STRC: variants seen among roughly 807,000 people sequenced by gnomAD.
STRC encodes the protein stereocilin.
A neutral mutation model predicts 103.5 loss-of-function variants in STRC; 43 were observed. That is an observed-to-expected ratio of 0.42 (90% CI 0.33 to 0.54). STRC has a LOEUF of 0.54. STRC is among the 20% of genes least tolerant of loss of function. STRC has a pLI of 0.14. For missense variants in STRC, 499 were observed against 1,088.5 expected (o/e 0.46, Z 7.62); for synonymous variants, 186 against 442.3 (o/e 0.42, Z 7.27).
At position 43,602,795 on chromosome 15, in the gene STRC, C is replaced by T. The variant is rs761718150; in HGVS notation, c.4545+447G>A. On this transcript the variant is annotated intron_variant, in intron 23 of 28. Transcript: ENST00000450892. Reference sequence around the variant, plus strand: ...AAGTAGCTGGGACAACAAGTGTGCACCACCATGCCCGGCTAACTTTTTTGT... The same window carrying T: ...AAGTAGCTGGGACAACAAGTGTGCATCACCATGCCCGGCTAACTTTTTTGT... 9.0e-5 allele frequency: 21 copies of T among 232,188 alleles called. 1 individual carries two copies. Among genetic ancestry groups the T allele is most frequent in the Non-Finnish European group, 1.4e-4 (16 of 116,804 alleles). The allele number at this position is 232,188 out of a possible 1,614,324, so 14.4% of individuals were successfully genotyped here.
chr15:43,600,592 C>A lies in STRC; in HGVS notation c.4935G>T (p.Gly1645=). Residue 1645 remains glycine (G), a synonymous_variant, in exon 26 of 29, where the codon GGG becomes GGT. Transcript: ENST00000450892. The stretch of plus-strand genomic sequence containing the variant: ...GCCCCCAGTTACTGATTGGGCCAAA[C>A]CCACCAGGCAGTACAAGTAGGTGGG... ...VLAHLLVLPG[G]FGPISNWGPE... The A allele has an allele frequency of 6.2e-7, 1 of 1,613,666 alleles. No homozygotes were observed. Among genetic ancestry groups the A allele is most frequent in the Non-Finnish European group, 8.5e-7 (1 of 1,179,860 alleles).
rs539189755 is a variant in STRC, at chr15:43,602,892, G to A, written c.4545+350C>T. On this transcript the variant is annotated intron_variant, in intron 23 of 28. Transcript: ENST00000450892. ...GATCTCCTGACCTCGTGATCTGCCC[G>A]CCTTGGCCTCCCAAAGTTCTGAGAT... is the stretch of plus-strand genomic sequence containing the variant. Among the ~76,000 whole-genome samples, 8 of 151,452 alleles carry A rather than the reference G, an allele frequency of 5.3e-5. No individual in the cohort carries two copies. The East Asian group carries it at 1.4e-3, about 26-fold the overall frequency.
At position 43,601,406 on chromosome 15, in the gene STRC, C is replaced by G. The variant is rs780692209; in HGVS notation, c.4691G>C (p.Ser1564Thr). The G allele has an allele frequency of 6.2e-7, 1 of 1,613,344 alleles. No individual in the cohort carries two copies. ...GAGGAAAAGTGTTACCTGAGTGGTG[C>G]TCCAGCCATCTATCTGCCCCAGGGT... is the stretch of plus-strand genomic sequence containing the variant. ...LSTLGQIDGW[S>T]TTQLRIVVSS... The change falls in exon 24 of 29, where the codon AGC becomes ACC. Residue 1564 changes from serine to threonine, a missense_variant. By Grantham distance (58) the Ser-to-Thr change is moderately conservative. Coordinates refer to ENST00000450892, the MANE Select transcript of STRC (RefSeq NM_153700.2).
chr15:43,604,622 A>C lies in STRC; in HGVS notation c.4127+28T>G, dbSNP rs202169022. 3.0e-3 allele frequency: 4,783 copies of C among 1,613,440 alleles called. 99 individuals carry two copies. The highest frequency in any genetic ancestry group is 2.1e-3 in the Non-Finnish European group (2,491 of 1,179,626). On this transcript the variant is annotated intron_variant, in intron 20 of 28. Transcript: ENST00000450892. The stretch of plus-strand genomic sequence containing the variant: ...TGAGGGACTGGGTATAGAATGAGTT[A>C]GAATCTGAAGTTCTCGAAGGTCCAT...
chr15:43,603,248 T>G lies in STRC; in HGVS notation c.4539A>C (p.Ala1513=). Residue 1513 remains alanine, a synonymous_variant, in exon 23 of 29, where the codon GCA becomes GCC. Coordinates refer to ENST00000450892, the MANE Select transcript of STRC (RefSeq NM_153700.2). The stretch of plus-strand genomic sequence containing the variant: ...TTGGCTCTCCATCCCTAACCTGTTT[T>G]GCTTTGCCCATGGCTGCCCGCAGTT... The part of the protein sequence containing the change: ...PEELRAAMGK[A]KQLWGPPRGF... 2 of 1,613,588 alleles carry G rather than the reference T, an allele frequency of 1.2e-6. No homozygotes were observed. The highest frequency in any genetic ancestry group is 1.7e-6 in the Non-Finnish European group (2 of 1,179,756).
chr15:43,603,292 G>A lies in STRC; in HGVS notation c.4495C>T (p.Pro1499Ser). 6.2e-7 allele frequency: 1 copy of A among 1,613,766 alleles called. No homozygotes were observed. The highest frequency in any genetic ancestry group is 8.5e-7 in the Non-Finnish European group (1 of 1,179,878). The change falls in exon 23 of 29, where the codon CCA (proline) becomes TCA (serine). Residue 1499 changes from proline (P) to serine (S), a missense_variant. Transcript: ENST00000450892. ...CGCAGTTCCTCAGGCCCAAGTCCTG[G>A]GTCTCCTGCAAATAATGTCAGGCAG... is the stretch of plus-strand genomic sequence containing the variant. The part of the protein sequence containing the change: ...EDCLTLFAGD[P>S]GLGPEELRAA...
In STRC at chr15:43,600,546, C is replaced by A. The variant is rs773011825; in HGVS notation, c.4981G>T (p.Gly1661Cys). The A allele has an allele frequency of 3.7e-6, 6 of 1,613,438 alleles. No individual in the cohort carries two copies. Among genetic ancestry groups the A allele is most frequent in the Non-Finnish European group, 5.1e-6 (6 of 1,179,754 alleles). ...NWGPEIFTEI[G>C]TIAAGIPDLA... ...CCCAGCTCCCCACCTGCTATGGTGC[C>A]AATTTCAGTGAAGATCTCAGGCCCC... The change falls in exon 26 of 29, where the codon GGC (glycine) becomes TGC (cysteine). Residue 1661 changes from glycine (G) to cysteine (C), a missense_variant. Coordinates refer to ENST00000450892, the MANE Select transcript of STRC (RefSeq NM_153700.2).
rs908583664 is a variant in STRC, at chr15:43,604,754, G to T, written c.4023C>A (p.Pro1341=). Residue 1341 remains proline (P), a synonymous_variant, in exon 20 of 29, where the codon CCC becomes CCA. Transcript: ENST00000450892. ...TGAGATGGGACAGCAGGATCTGTAG[G>T]GGGATCTGTCGTGTGCTCTCTGTCC... is the stretch of plus-strand genomic sequence containing the variant. ...FLGTESTRQI[P]LQILLSHLSQ... is the part of the protein sequence containing the mutation. The T allele has an allele frequency of 2.5e-6, 4 of 1,613,452 alleles. No individual in the cohort carries two copies. The highest frequency in any genetic ancestry group is 3.4e-6 in the Non-Finnish European group (4 of 1,179,696).
At chr15:43,608,041 C>T (rs1485560461) in intron 17 of STRC, 39 bp downstream of exon 17, 1 of 1,610,998 alleles carries the variant, frequency 6.2e-7, no homozygotes, top group Non-Finnish European at 8.5e-7. Context: ...AGGGTCCCAG[C>T]CTCCCTGCTC....
At position 43,605,307 on chromosome 15, in the gene STRC, G is replaced by A; in HGVS notation, c.3887C>T (p.Pro1296Leu). The change falls in exon 19 of 29, where the codon CCC becomes CTC. Residue 1296 changes from proline (P) to leucine (L), a missense_variant. Transcript: ENST00000450892. ...RAPEQLLALTPLHQAALAERA... is the reference protein window; with the variant it reads ...RAPEQLLALTLLHQAALAERA... ...CTCTGCCAGGGCTGCCTGGTGGAGG[G>A]GGGTCAGTGCCAGCAGCTGCTCTGG... 2 of 1,591,766 alleles carry A rather than the reference G, an allele frequency of 1.3e-6. No homozygotes were observed. Among genetic ancestry groups the A allele is most frequent in the Non-Finnish European group, 1.7e-6 (2 of 1,167,902 alleles).
Position 43,604,750 on chromosome 15 carries a change from G to A in STRC, c.4027C>T (p.Gln1343Ter), listed in dbSNP as rs144948296. The change falls in exon 20 of 29, where the codon CAG becomes TAG. Residue 1343 changes from glutamine to a stop codon, truncating the protein, a stop_gained. Transcript: ENST00000450892. LOFTEE classifies it high-confidence loss of function. ...GTESTRQIPL[Q>*]ILLSHLSQLQ... is the part of the protein sequence containing the mutation. The stretch of plus-strand genomic sequence containing the variant: ...TGACTGAGATGGGACAGCAGGATCT[G>A]TAGGGGGATCTGTCGTGTGCTCTCT... 9.1e-5 allele frequency: 147 copies of A among 1,613,618 alleles called. 1 individual carries two copies. The highest frequency in any genetic ancestry group is 9.5e-5 in the Non-Finnish European group (112 of 1,179,702).
chr15:43,604,270 T>A, intron 21 of STRC, 91 bp downstream of exon 21: 2 of 1,596,018 alleles, frequency 1.3e-6, no homozygotes, highest in Non-Finnish European at 1.7e-6. Context: ...CTAGGCTTCA[T>A]ATCCTTTGCC....
rs780809844 is a variant in STRC, at chr15:43,604,140, G to T, written c.4231C>A (p.Pro1411Thr). ...TCTAGAAGCCGCTCCAGGGTCTCTG[G>T]ACCCAAGGCCTCCTGCATGAGAAGG... ...ISLIPREALG[P>T]ETLERLLEKQ... The change falls in exon 22 of 29, where the codon CCA (proline) becomes ACA (threonine). Residue 1411 changes from proline (P) to threonine (T), a missense_variant. Physicochemically the swap from Pro to Thr is conservative, Grantham distance 38. Transcript: ENST00000450892. 3.1e-6 allele frequency: 5 copies of T among 1,609,636 alleles called. No individual in the cohort carries two copies. The highest frequency in any genetic ancestry group is 4.2e-6 in the Non-Finnish European group (5 of 1,178,262).
rs759275316 is a variant in STRC at position 43,603,393 on chromosome 15, G to C, written c.4394C>G (p.Ala1465Gly). 6.2e-7 allele frequency: 1 copy of C among 1,613,562 alleles called. No homozygotes were observed. The highest frequency in any genetic ancestry group is 1.3e-5 in the African/African-American group (1 of 74,972). Reference sequence around the variant, plus strand: ...TGCTGGGAATGTCCCTCGTACATCTGCACAATTTGGCACAGGTTCTGAAGG... The same window carrying C: ...TGCTGGGAATGTCCCTCGTACATCTCCACAATTTGGCACAGGTTCTGAAGG... ...EDLPEPVPNC[A>G]DVRGTFPAAW... Residue 1465 changes from alanine to glycine, a missense_variant, in exon 23 of 29, where the codon GCA becomes GGA. By Grantham distance (60) the Ala-to-Gly change is moderately conservative. Transcript: ENST00000450892.
Position 43,600,650 on chromosome 15 carries a change from A to C in STRC, c.4877T>G (p.Leu1626Arg), listed in dbSNP as rs1237574577. 1.2e-6 allele frequency: 2 copies of C among 1,613,592 alleles called. No homozygotes were observed. Among genetic ancestry groups the C allele is most frequent in the East Asian group, 4.5e-5 (2 of 44,882 alleles). Residue 1626 changes from leucine (L) to arginine (R), a missense_variant, in exon 26 of 29, where the codon CTC becomes CGC. Transcript: ENST00000450892. ...CTCCAGTTGTTCCTCAGAGCACTGGAGATGCAGGGTGCCGAGGAAGAGAGC... is the reference window on the plus strand; with the variant it reads ...CTCCAGTTGTTCCTCAGAGCACTGGCGATGCAGGGTGCCGAGGAAGAGAGC... ...QAALFLGTLHLQCSEEQLEVL... is the reference protein window; with the variant it reads ...QAALFLGTLHRQCSEEQLEVL...
intron 24 of STRC, 134 bp from the exon 25 acceptor site, chr15:43,601,148 C>A (rs905223474): frequency 2.3e-6 from 2 of 857,016 alleles, no homozygotes; most frequent in African/African-American, 3.5e-5. Flanking sequence ...GCTGAGGACT[C>A]AGAAAAGAAA....
chr15:43,603,435 G>C (rs1275288149), intron 22 of STRC, 24 bp from the exon 23 acceptor site: 3 of 1,609,962 alleles, frequency 1.9e-6, no homozygotes, highest in African/African-American at 1.3e-5. Context: ...GCAGGGCCAG[G>C]AGGTCAGCGC....
chr15:43,603,409 G>A lies in STRC; in HGVS notation c.4378C>T (p.Pro1460Ser). 6.2e-7 allele frequency: 1 copy of A among 1,613,316 alleles called. No individual in the cohort carries two copies. The highest frequency in any genetic ancestry group is 8.5e-7 in the Non-Finnish European group (1 of 1,179,836). ...VRPAAEDLPE[P>S]VPNCADVRGT... Reference sequence around the variant, plus strand: ...CGTACATCTGCACAATTTGGCACAGGTTCTGAAGGGGGAAGGCAGGGCCAG... The same window carrying A: ...CGTACATCTGCACAATTTGGCACAGATTCTGAAGGGGGAAGGCAGGGCCAG... Residue 1460 changes from proline to serine, a missense_variant and splice_region_variant, in exon 23 of 29, where the codon CCT (proline) becomes TCT (serine). Transcript: ENST00000450892.
At chr15:43,600,331 T>A (rs1488313451) in intron 26 of STRC, 38 bp from the exon 27 acceptor site, 1 of 815,006 alleles carries the variant, frequency 1.2e-6, no homozygotes, top group Non-Finnish European at 2.1e-6. Flanking sequence ...TGTCTTAGAC[T>A]GACCTTCCCT....
Sources: allele counts gnomAD v4.1 joint callset (sites outside exome capture counted in the v4.1 genomes callset), GRCh38; gene constraint gnomAD v4.1.1; transcripts MANE v1.5; gene names NCBI Gene and HGNC (gene_info 2026-07-23, HGNC 2026-07-21).